Variants in MLYCD observed in about 807,000 individuals in gnomAD.
MLYCD encodes the protein malonyl-CoA decarboxylase.
A neutral mutation model predicts 35.8 loss-of-function variants in MLYCD; 27 were observed. That is an observed-to-expected ratio of 0.75 (90% CI 0.56 to 1.04). The LOEUF is 1.04. MLYCD is among the 50% of genes least tolerant of loss of function. The probability of loss-of-function intolerance (pLI) is 0.00; values close to 1 mark genes in which losing one functional copy is unlikely to be tolerated. For synonymous variants in MLYCD, 403 were observed against 302.4 expected, an observed-to-expected ratio of 1.33 and a Z score of -3.45; for missense variants, 917 against 665.1, an observed-to-expected ratio of 1.38 and a Z score of -4.17.
chr16:83,904,483 A>G (rs1275309401), intron 1 of MLYCD, among the ~76,000 whole-genome samples: 1 of 152,222 alleles, frequency 6.6e-6, no homozygotes. Context: ...ATTCTGTGTC[A>G]CCTAGCAAAT....
chr16:83,911,798 G>T (rs191412147), intron 3 of MLYCD: 12 of 235,154 alleles, frequency 5.1e-5, no homozygotes, highest in African/African-American at 1.6e-4. Context: ...AAACAATTCA[G>T]TGGTGGGAAA....
Position 83,899,179 on chromosome 16 carries a change from G to T in MLYCD, c.35G>T (p.Arg12Leu). The T allele has an allele frequency of 8.6e-7, 1 of 1,169,236 alleles. No individual in the cohort carries two copies. The highest frequency in any genetic ancestry group is 1.1e-6 in the Non-Finnish European group (1 of 951,294). 72.4% of individuals were successfully genotyped at this position (1,169,236 alleles called of 1,614,324 possible). A position where few individuals can be genotyped will look rare whatever the true frequency, so the allele number is the denominator to read the frequency against. Residue 12 changes from arginine (R) to leucine (L), a missense_variant, in exon 1 of 5, where the codon CGT becomes CTT. Physicochemically the swap from Arg to Leu is moderately radical, Grantham distance 102. Transcript: ENST00000262430. ...TTCGGGCCAGGCTTGACGGCCAGGC[G>T]TCTCCTCCCGCTGCGGTTGCCCCCG... ...RGFGPGLTAR[R>L]LLPLRLPPRP...
rs1489492642 is a variant in MLYCD, at chr16:83,908,220, C to T, written c.736C>T (p.Pro246Ser). The T allele has an allele frequency of 6.2e-7, 1 of 1,614,202 alleles. No homozygotes were observed. The highest frequency in any genetic ancestry group is 8.5e-7 in the Non-Finnish European group (1 of 1,180,040). ...RCYFFSHCST[P>S]GEPLVVLHVA... Reference sequence around the variant, plus strand: ...TTACTTCTTTTCTCACTGTTCGACCCCTGGGGAGCCCCTGGTCGTTTTGCA... The same window carrying T: ...TTACTTCTTTTCTCACTGTTCGACCTCTGGGGAGCCCCTGGTCGTTTTGCA... Residue 246 changes from proline (P) to serine (S), a missense_variant, in exon 3 of 5, where the codon CCT (proline) becomes TCT (serine). By Grantham distance (74) the Pro-to-Ser change is moderately conservative. Transcript: ENST00000262430.
rs374608119 is a variant in MLYCD at position 83,915,244 on chromosome 16, G to C, written c.1237G>C (p.Gly413Arg). The C allele has an allele frequency of 4.3e-6, 7 of 1,612,878 alleles. No homozygotes were observed. The highest frequency in any genetic ancestry group is 1.3e-5 in the African/African-American group (1 of 74,910). The change falls in exon 5 of 5, where the codon GGC (glycine) becomes CGC (arginine). Residue 413 changes from glycine (G) to arginine (R), a missense_variant. Transcript: ENST00000262430. ...AWYLYGEKHR[G>R]YALNPVANFH... ...GTACCTGTATGGAGAGAAGCACCGC[G>C]GCTACGCGCTGAACCCCGTGGCCAA...
intron 2 of MLYCD, 22 bp from the exon 3 acceptor site, chr16:83,908,104 C>G (rs764592901): frequency 6.2e-6 from 10 of 1,614,118 alleles, no homozygotes; most frequent in Non-Finnish European, 7.6e-6. Flanking sequence ...TTTGTCTTGT[C>G]TCTTTATAAA....
chr16:83,899,218 C>T lies in MLYCD; in HGVS notation c.74C>T (p.Pro25Leu), dbSNP rs1262688192. 4.1e-6 allele frequency: 5 copies of T among 1,220,106 alleles called. No individual in the cohort carries two copies. Among genetic ancestry groups the T allele is most frequent in the African/African-American group, 1.6e-5 (1 of 62,704 alleles). 75.6% of individuals were successfully genotyped at this position (1,220,106 alleles called of 1,614,324 possible). Residue 25 changes from proline (P) to leucine (L), a missense_variant, in exon 1 of 5, where the codon CCC becomes CTC. By Grantham distance (98) the Pro-to-Leu change is moderately conservative. Transcript: ENST00000262430. ...PLRLPPRPPG[P>L]RLASGQAAGA... ...CGGTTGCCCCCGCGGCCGCCCGGGCCCCGGCTGGCGAGCGGGCAGGCGGCC... is the reference window on the plus strand; with the variant it reads ...CGGTTGCCCCCGCGGCCGCCCGGGCTCCGGCTGGCGAGCGGGCAGGCGGCC...
chr16:83,914,656 G>A (rs896360473), intron 4 of MLYCD: 3 of 437,600 alleles, frequency 6.9e-6, no homozygotes, highest in Middle Eastern at 6.8e-4. Context: ...GCGCGAGCCT[G>A]TGGTCCCAGC....
intron 1 of MLYCD, among the ~76,000 whole-genome samples, chr16:83,902,155 G>GTATATATATATA (rs386385269): frequency 8.0e-5 from 7 of 87,322 alleles, no homozygotes; most frequent in African/African-American, 3.2e-4. Context: ...GTGTGCGTGC[G>GTATATATATATA]TATATATATA....
rs1214150579 is a variant in MLYCD, at chr16:83,921,937, C to T, written c.*6448C>T. On this transcript the variant is annotated 3_prime_UTR_variant, in exon 5 of 5. Coordinates refer to ENST00000262430, the MANE Select transcript of MLYCD (RefSeq NM_012213.3). The stretch of plus-strand genomic sequence containing the variant: ...ACTCAGTGCCCAGGTGACATCGTCA[C>T]AAGGGGAACACAGTGGCTAAGAGGG... 1 of 152,274 alleles carries T rather than the reference C, an allele frequency of 6.6e-6. No individual in the cohort carries two copies. The highest frequency in any genetic ancestry group is 1.5e-5 in the Non-Finnish European group (1 of 68,088). The allele number at this position is 152,274 out of a possible 1,614,324, so 9.4% of individuals were successfully genotyped here.
intron 4 of MLYCD, 136 bp from the exon 5 acceptor site, chr16:83,914,820 A>G (rs1285239258): frequency 4.8e-6 from 6 of 1,261,128 alleles, no homozygotes; most frequent in African/African-American, 3.0e-5. Flanking sequence ...AAGATAAACA[A>G]CATGTATCAG....
Position 83,899,617 on chromosome 16 carries a change from G to C in MLYCD, c.473G>C (p.Arg158Pro). 6.4e-7 allele frequency: 1 copy of C among 1,572,534 alleles called. No individual in the cohort carries two copies. Among genetic ancestry groups the C allele is most frequent in the Non-Finnish European group, 8.6e-7 (1 of 1,168,194 alleles). Residue 158 changes from arginine (R) to proline (P), a missense_variant, in exon 1 of 5, where the codon CGG becomes CCG. Arg to Pro is a moderately radical substitution (Grantham distance 103). Coordinates refer to ENST00000262430, the MANE Select transcript of MLYCD (RefSeq NM_012213.3). Reference sequence around the variant, plus strand: ...GGCGTGCGCTTCCTGGTGCAGCTGCGGGCCGACCTGCTGGAGGCGCAGGCC... The same window carrying C: ...GGCGTGCGCTTCCTGGTGCAGCTGCCGGCCGACCTGCTGGAGGCGCAGGCC... ...DGGVRFLVQL[R>P]ADLLEAQALK...
chr16:83,917,761 C>CT lies in MLYCD; in HGVS notation c.*2274dup, dbSNP rs1281564005. ...TCTTTGCTTAGCTTTTGGCCTAGAC[C>CT]TTAAAGACCAGCAGTCTTCTGTGCT... On this transcript the variant is annotated 3_prime_UTR_variant, in exon 5 of 5. Transcript: ENST00000262430. 1 of 152,266 alleles carries CT rather than the reference C, an allele frequency of 6.6e-6. No homozygotes were observed. The highest frequency in any genetic ancestry group is 1.9e-4 in the East Asian group (1 of 5,202). 9.4% of individuals were successfully genotyped at this position (152,266 alleles called of 1,614,324 possible).
At chr16:83,914,696 T>C (rs1042705047) in intron 4 of MLYCD, 15 of 496,034 alleles carry the variant, frequency 3.0e-5, no homozygotes, top group African/African-American at 2.7e-4. Context: ...GGAGGATGGC[T>C]TGGACCCAGG....
At chr16:83,909,094 C>A (rs991551971) in intron 3 of MLYCD, among the ~76,000 whole-genome samples, 1 of 152,082 alleles carries the variant, frequency 6.6e-6, no homozygotes, top group African/African-American at 2.4e-5. Context: ...CATTCCCTTA[C>A]AATGTTTGTG....
rs1907757868 is a variant in MLYCD at position 83,924,859 on chromosome 16, C to T, written c.*9370C>T. ...CCAGGGGCCACCGTGGGCCACACTG[C>T]ACTTCCCAAATGCTCCCGGCACTGG... On this transcript the variant is annotated 3_prime_UTR_variant, in exon 5 of 5. Transcript: ENST00000262430. 1 of 152,310 alleles carries T rather than the reference C, an allele frequency of 6.6e-6. No individual in the cohort carries two copies. The highest frequency in any genetic ancestry group is 2.4e-5 in the African/African-American group (1 of 41,454). 9.4% of individuals were successfully genotyped at this position (152,310 alleles called of 1,614,324 possible).
At chr16:83,901,089 T>C (rs1369898549) in intron 1 of MLYCD, among the ~76,000 whole-genome samples, 2 of 152,236 alleles carry the variant, frequency 1.3e-5, no homozygotes, top group African/African-American at 4.8e-5. Context: ...CCGTGATAGC[T>C]GGTTAATTTA....
rs1004214977 is a variant in MLYCD, at chr16:83,920,866, C to G, written c.*5377C>G. The G allele has an allele frequency of 6.6e-6, 1 of 152,016 alleles. No individual in the cohort carries two copies. Among genetic ancestry groups the G allele is most frequent in the African/African-American group, 2.4e-5 (1 of 41,360 alleles). 9.4% of individuals were successfully genotyped at this position (152,016 alleles called of 1,614,324 possible). On this transcript the variant is annotated 3_prime_UTR_variant, in exon 5 of 5. Transcript: ENST00000262430. ...CAGTGCTTCACATTTAGCAGGTCCT[C>G]AATGAACATTAGATGGATGGATGGA...
rs1192561182 is a variant in MLYCD, at chr16:83,923,995, C to T, written c.*8506C>T. Reference sequence around the variant, plus strand: ...GGAAGACAACCCCAGGCTGGGGTGGCTTCTCTCAAACCCGGGCATGCACAG... The same window carrying T: ...GGAAGACAACCCCAGGCTGGGGTGGTTTCTCTCAAACCCGGGCATGCACAG... On this transcript the variant is annotated 3_prime_UTR_variant, in exon 5 of 5. Transcript: ENST00000262430. 3 of 152,272 alleles carry T rather than the reference C, an allele frequency of 2.0e-5. No homozygotes were observed. The East Asian group carries it at 5.8e-4, about 29-fold the overall frequency. The allele number at this position is 152,272 out of a possible 1,614,324, so 9.4% of individuals were successfully genotyped here.
rs1160852426 is a variant in MLYCD at position 83,919,658 on chromosome 16, T to G, written c.*4169T>G. 1.8e-5 allele frequency: 2 copies of G among 108,992 alleles called. No homozygotes were observed. Among genetic ancestry groups the G allele is most frequent in the African/African-American group, 7.6e-5 (2 of 26,186 alleles). The allele number at this position is 108,992 out of a possible 1,614,324, so 6.8% of individuals were successfully genotyped here. A position where few individuals can be genotyped will look rare whatever the true frequency, so the allele number is the denominator to read the frequency against. ...ACACACGATGCACGGAACACGGTGATCAGAACACGGTTCACAGGAGAACAC... is the reference window on the plus strand; with the variant it reads ...ACACACGATGCACGGAACACGGTGAGCAGAACACGGTTCACAGGAGAACAC... On this transcript the variant is annotated 3_prime_UTR_variant, in exon 5 of 5. Coordinates refer to ENST00000262430, the MANE Select transcript of MLYCD (RefSeq NM_012213.3).
Sources: allele counts gnomAD v4.1 joint callset (sites outside exome capture counted in the v4.1 genomes callset), GRCh38; gene constraint gnomAD v4.1.1; transcripts MANE v1.5; gene names NCBI Gene and HGNC (gene_info 2026-07-23, HGNC 2026-07-21).